Variants in SEMA4F observed in about 807,000 individuals in gnomAD.
SEMA4F encodes semaphorin-4F.
In SEMA4F, 51 loss-of-function variants were observed where a neutral mutation model predicts 78.4. The ratio of observed to expected loss-of-function variants is 0.65; its 90% CI spans 0.52 to 0.82. SEMA4F has a LOEUF of 0.82. Among genes scored for constraint, SEMA4F ranks in the 40% least tolerant of loss-of-function variants. The pLI, the probability that SEMA4F is intolerant of heterozygous loss-of-function variation, is 0.00. For missense variants in SEMA4F, 938 were observed against 1,014.4 expected, an observed-to-expected ratio of 0.92 and a Z score of 1.02; for synonymous variants, 418 against 408.7, an observed-to-expected ratio of 1.02 and a Z score of -0.27.
intron 1 of SEMA4F, among the ~76,000 whole-genome samples, chr2:74,654,794 C>T (rs1157232205): frequency 2.0e-5 from 3 of 152,220 alleles, no homozygotes; most frequent in Admixed American, 6.5e-5. Context: ...GCCCTATTCC[C>T]GGAGCCGCAG....
chr2:74,702,556 G>A, the SEMA4F span, among the ~76,000 whole-genome samples: 5 of 152,246 alleles, frequency 3.3e-5, no homozygotes, highest in South Asian at 8.3e-4. Flanking sequence ...TCTAATTAGG[G>A]CCTGAGGACT....
At chr2:74,673,007 G>A (rs1014582396) in intron 5 of SEMA4F, among the ~76,000 whole-genome samples, 9 of 152,164 alleles carry the variant, frequency 5.9e-5, no homozygotes, top group African/African-American at 2.2e-4. Context: ...CCAAAGCAGT[G>A]TACGCCCACT....
rs1426746439 is a variant in SEMA4F at position 74,674,999 on chromosome 2, C to T, written c.1113C>T (p.Val371=). The change falls in exon 9 of 14, where the codon GTC becomes GTT. Residue 371 remains valine (V), a synonymous_variant. Coordinates refer to ENST00000357877, the MANE Select transcript of SEMA4F (RefSeq NM_004263.5). ...LKHDCNRGLP[V]VDNDVPQPRP... The stretch of plus-strand genomic sequence containing the variant: ...ATGACTGCAACAGAGGACTGCCTGT[C>T]GTGGACAATGATGTGCCCCAGCCCA... 1.9e-5 allele frequency: 30 copies of T among 1,613,714 alleles called. No homozygotes were observed. The highest frequency in any genetic ancestry group is 1.6e-4 in the East Asian group (7 of 44,876).
chr2:74,691,469 G>A, the SEMA4F span, among the ~76,000 whole-genome samples: 5 of 152,164 alleles, frequency 3.3e-5, no homozygotes, highest in African/African-American at 9.7e-5. Context: ...TTGGGGTTAC[G>A]TTATAAACAT....
the SEMA4F span, among the ~76,000 whole-genome samples, chr2:74,690,574 T>C: frequency 5.3e-5 from 8 of 152,228 alleles, no homozygotes; most frequent in African/African-American, 1.2e-4. Context: ...TGCATTACAC[T>C]TGAATATGAA....
Position 74,673,741 on chromosome 2 carries a change from C to G in SEMA4F, c.735C>G (p.Asp245Glu). The G allele has an allele frequency of 1.9e-6, 3 of 1,614,136 alleles. No individual in the cohort carries two copies. Among genetic ancestry groups the G allele is most frequent in the Non-Finnish European group, 2.5e-6 (3 of 1,180,030 alleles). ...PAEWGDEDGD[D>E]EIYFFFTETS... Reference sequence around the variant, plus strand: ...AATGGGGGGATGAAGATGGAGACGACGAAATCTACTTCTTCTTTACGGAGA... The same window carrying G: ...AATGGGGGGATGAAGATGGAGACGAGGAAATCTACTTCTTCTTTACGGAGA... The change falls in exon 7 of 14, where the codon GAC becomes GAG. Residue 245 changes from aspartate to glutamate, a missense_variant. Asp to Glu is a conservative substitution (Grantham distance 45). Coordinates refer to ENST00000357877, the MANE Select transcript of SEMA4F (RefSeq NM_004263.5).
At chr2:74,705,483 T>TG in the SEMA4F span, among the ~76,000 whole-genome samples, 2 of 152,242 alleles carry the variant, frequency 1.3e-5, no homozygotes, top group East Asian at 3.8e-4. Flanking sequence ...AATCTATTTA[T>TG]GGTCAATGAA....
At chr2:74,708,070 A>C in the SEMA4F span, among the ~76,000 whole-genome samples, 12 of 152,082 alleles carry the variant, frequency 7.9e-5, no homozygotes, top group Admixed American at 6.5e-5. Context: ...GTTTGTACAG[A>C]AGGTCCTTGC....
chr2:74,654,466 C>G lies in SEMA4F; in HGVS notation c.90C>G (p.Gly30=). The change falls in exon 1 of 14, where the codon GGC becomes GGG. Residue 30 remains glycine, a synonymous_variant. Transcript: ENST00000357877. ...TACTGCTGCTGGCGGTGCTGAGCGG[C>G]CCGGTATCCGGCCGCGTCCCCCGCT... The part of the protein sequence containing the change: ...FPLLLLAVLS[G]PVSGRVPRSV... The G allele has an allele frequency of 6.4e-7, 1 of 1,574,552 alleles. No homozygotes were observed. The highest frequency in any genetic ancestry group is 8.6e-7 in the Non-Finnish European group (1 of 1,165,198).
the SEMA4F span, among the ~76,000 whole-genome samples, chr2:74,690,962 C>T: frequency 6.6e-6 from 1 of 152,176 alleles, no homozygotes; most frequent in South Asian, 2.1e-4. Flanking sequence ...ACTACACATT[C>T]TTTATTCCTT....
chr2:74,698,448 T>G, the SEMA4F span, among the ~76,000 whole-genome samples: 1 of 152,200 alleles, frequency 6.6e-6, no homozygotes, highest in African/African-American at 2.4e-5. Context: ...GTGGGAGCTA[T>G]CCTTTTCCAG....
intron 12 of SEMA4F, among the ~76,000 whole-genome samples, chr2:74,677,746 A>C (rs1685372869): frequency 6.6e-6 from 1 of 152,256 alleles, no homozygotes; most frequent in Non-Finnish European, 1.5e-5. Flanking sequence ...AGTATATACA[A>C]AATCCAGAAT....
At chr2:74,692,385 T>G in the SEMA4F span, among the ~76,000 whole-genome samples, 1 of 152,110 alleles carries the variant, frequency 6.6e-6, no homozygotes, top group Non-Finnish European at 1.5e-5. Context: ...GAAACACATA[T>G]GGGGGACATT....
chr2:74,669,828 T>C (rs926116540), intron 5 of SEMA4F, among the ~76,000 whole-genome samples: 2 of 152,196 alleles, frequency 1.3e-5, no homozygotes, highest in African/African-American at 4.8e-5. Flanking sequence ...TGGCTGTGTT[T>C]CTTCGTCTTT....
At chr2:74,697,433 C>A in the SEMA4F span, among the ~76,000 whole-genome samples, 1 of 152,162 alleles carries the variant, frequency 6.6e-6, no homozygotes, top group East Asian at 1.9e-4. Context: ...TAATTTTATC[C>A]TCAAAGTAAT....
intron 1 of SEMA4F, among the ~76,000 whole-genome samples, chr2:74,655,730 G>A (rs1684099035): frequency 6.6e-6 from 1 of 152,142 alleles, no homozygotes; most frequent in Non-Finnish European, 1.5e-5. Context: ...GGGAAGTTAG[G>A]TGATCCAGGG....
chr2:74,656,548 C>G lies in SEMA4F; in HGVS notation c.160C>G (p.Leu54Val), dbSNP rs146352237. Residue 54 changes from leucine to valine, a missense_variant, in exon 2 of 14, where the codon CTC becomes GTC. Physicochemically the swap from Leu to Val is conservative, Grantham distance 32. Coordinates refer to ENST00000357877, the MANE Select transcript of SEMA4F (RefSeq NM_004263.5). ...SLPISEADSC[L>V]TRFAVPHTYN... ...CTTCCTGCCAGAGGCTGACTCCTGT[C>G]TCACCCGGTTCGCAGTCCCTCACAC... The G allele has an allele frequency of 1.2e-6, 2 of 1,613,980 alleles. No homozygotes were observed. Among genetic ancestry groups the G allele is most frequent in the Non-Finnish European group, 1.7e-6 (2 of 1,179,872 alleles).
the SEMA4F span, among the ~76,000 whole-genome samples, chr2:74,692,499 A>G: frequency 6.6e-6 from 1 of 152,228 alleles, no homozygotes; most frequent in Non-Finnish European, 1.5e-5. Flanking sequence ...TGGAGGCTTC[A>G]GACTGCCACA....
At position 74,654,481 on chromosome 2, in the gene SEMA4F, C is replaced by T. The variant is rs1279863620; in HGVS notation, c.105C>T (p.Arg35=). ...TGCTGAGCGGCCCGGTATCCGGCCGCGTCCCCCGCTCGGTGCCCAGAACCT... is the reference window on the plus strand; with the variant it reads ...TGCTGAGCGGCCCGGTATCCGGCCGTGTCCCCCGCTCGGTGCCCAGAACCT... ...LAVLSGPVSG[R]VPRSVPRTSL... is the part of the protein sequence containing the mutation. The change falls in exon 1 of 14, where the codon CGC becomes CGT. Residue 35 remains arginine (R), a synonymous_variant. Transcript: ENST00000357877. 2.5e-6 allele frequency: 4 copies of T among 1,575,548 alleles called. No individual in the cohort carries two copies. The highest frequency in any genetic ancestry group is 3.4e-6 in the Non-Finnish European group (4 of 1,164,920).
Sources: gnomAD v4.1 joint callset for allele counts (sites outside exome capture counted in the v4.1 genomes callset) on GRCh38, gnomAD v4.1.1 for gene constraint, MANE v1.5 for transcripts, NCBI Gene and HGNC (gene_info 2026-07-23, HGNC 2026-07-21) for gene names.